The following LRCH3 variants were observed in gnomAD, a reference collection of about 807,000 sequenced individuals.
LRCH3 encodes the protein DISP complex protein LRCH3.
In LRCH3, 68 loss-of-function variants were observed where a neutral mutation model predicts 104.5. The observed-to-expected ratio is 0.65, with a 90% CI of 0.54 to 0.80. The LOEUF (loss-of-function observed/expected upper bound fraction) is 0.80, where lower values mean the gene tolerates loss of function less well. Among genes scored for constraint, LRCH3 ranks in the 30% least tolerant of loss-of-function variants. The probability of loss-of-function intolerance (pLI) is 0.00; values close to 1 mark genes in which losing one functional copy is unlikely to be tolerated. For missense variants in LRCH3, 951 were observed against 953.9 expected (o/e 1.00, Z 0.04); for synonymous variants, 344 against 361.3 (o/e 0.95, Z 0.54).
intron 19 of LRCH3, among the ~76,000 whole-genome samples, chr3:197,873,837 A>G (rs1159988545): frequency 6.6e-6 from 1 of 152,092 alleles, no homozygotes; most frequent in African/African-American, 2.4e-5. Flanking sequence ...CCTGGCCAAC[A>G]TGATGAAACC....
intron 4 of LRCH3, among the ~76,000 whole-genome samples, chr3:197,824,905 C>CT (rs1360873640): frequency 2.0e-5 from 3 of 152,228 alleles, no homozygotes; most frequent in Non-Finnish European, 4.4e-5. Context: ...GTTAAATACT[C>CT]TGAGTCCTAG....
intron 15 of LRCH3, among the ~76,000 whole-genome samples, chr3:197,864,402 G>T (rs1465921890): frequency 6.7e-6 from 1 of 150,220 alleles, no homozygotes; most frequent in African/African-American, 2.5e-5. Context: ...GAGGTTGGGA[G>T]TTCGAGAACG....
intron 4 of LRCH3, chr3:197,823,276 A>T: frequency 1.4e-5 from 2 of 141,964 alleles, no homozygotes; most frequent in Non-Finnish European, 3.1e-5. Flanking sequence ...CCTTTTTTGT[A>T]TTTTTAGTAG....
chr3:197,871,372 A>C lies in LRCH3; in HGVS notation c.2040A>C (p.Ala680=). ...LKVSLPCDLG[A]ALTDGVVLCH... ...TGTCTCTACCTTGTGATCTCGGAGC[A>C]GCTCTAACTGACGGTGTTGTTCTTT... Residue 680 remains alanine (A), a synonymous_variant, in exon 19 of 21, where the codon GCA becomes GCC. Coordinates refer to ENST00000425562, the MANE Select transcript of LRCH3 (RefSeq NM_001365715.1). The C allele has an allele frequency of 6.2e-7, 1 of 1,614,102 alleles. No individual in the cohort carries two copies. The highest frequency in any genetic ancestry group is 8.5e-7 in the Non-Finnish European group (1 of 1,179,994).
intron 4 of LRCH3, among the ~76,000 whole-genome samples, chr3:197,824,992 A>C (rs891750730): frequency 6.6e-6 from 1 of 152,234 alleles, no homozygotes; most frequent in Non-Finnish European, 1.5e-5. Context: ...ACGTCATGGG[A>C]GAACATATTT....
At position 197,883,432 on chromosome 3, in the gene LRCH3, C is replaced by A. The variant is rs1046651516; in HGVS notation, c.2209-109C>A. ...GTTTCCCAGGTACTAATTTTCATATCTAAGTTGATGATTGTGAAGGGGAGA... is the reference window on the plus strand; with the variant it reads ...GTTTCCCAGGTACTAATTTTCATATATAAGTTGATGATTGTGAAGGGGAGA... On this transcript the variant is annotated intron_variant, in intron 20 of 20. Coordinates refer to ENST00000425562, the MANE Select transcript of LRCH3 (RefSeq NM_001365715.1). This position sits in a 1 kb window ranked among gnomAD's most constrained non-coding sequence, Gnocchi z 4.2. The A allele has an allele frequency of 2.0e-5, 28 of 1,406,746 alleles. No individual in the cohort carries two copies. The African/African-American group carries it at 3.9e-4, about 20-fold the overall frequency. The allele number at this position is 1,406,746 out of a possible 1,614,324, so 87.1% of individuals were successfully genotyped here. A position where few individuals can be genotyped will look rare whatever the true frequency, so the allele number is the denominator to read the frequency against.
chr3:197,846,549 A>C (rs56676494), intron 10 of LRCH3, among the ~76,000 whole-genome samples: 23,097 of 151,420 alleles, frequency 0.15, 2,290 homozygotes, highest in African/African-American at 0.28. Flanking sequence ...AAAATTAAAA[A>C]AAAAAAAACA....
intron 12 of LRCH3, chr3:197,851,097 A>C (rs937640433): frequency 1.3e-4 from 76 of 575,686 alleles, no homozygotes; most frequent in Non-Finnish European, 1.9e-4. Context: ...GATTAGAACA[A>C]GGCAGGTTGG....
intron 4 of LRCH3, among the ~76,000 whole-genome samples, chr3:197,825,762 A>G (rs1308407422): frequency 1.3e-5 from 2 of 151,896 alleles, no homozygotes; most frequent in Non-Finnish European, 2.9e-5. Flanking sequence ...TACAGGCTTG[A>G]GCCACCGCGC....
rs1310552730 is a variant in LRCH3 at position 197,883,622 on chromosome 3, C to G, written c.2290C>G (p.Leu764Val). 6.5e-7 allele frequency: 1 copy of G among 1,536,010 alleles called. No homozygotes were observed. Among genetic ancestry groups the G allele is most frequent in the Admixed American group, 2.0e-5 (1 of 50,976 alleles). ...VAVTVQALLELAPPKQQQHQL... is the reference protein window; with the variant it reads ...VAVTVQALLEVAPPKQQQHQL... ...AGTGACGGTCCAGGCTCTCCTGGAA[C>G]TTGCCCCACCCAAGCAACAGCAGCA... Residue 764 changes from leucine to valine, a missense_variant, in exon 21 of 21, where the codon CTT becomes GTT. By Grantham distance (32) the Leu-to-Val change is conservative. Transcript: ENST00000425562. This position sits in a 1 kb window ranked among gnomAD's most constrained non-coding sequence, Gnocchi z 4.2.
At chr3:197,798,815 C>T (rs917004399) in intron 1 of LRCH3, among the ~76,000 whole-genome samples, 1 of 152,184 alleles carries the variant, frequency 6.6e-6, no homozygotes, top group African/African-American at 2.4e-5. Flanking sequence ...ATGGTAGCAA[C>T]TAGCCGTAAG....
chr3:197,808,394 A>C lies in LRCH3; in HGVS notation c.263-6514A>C, dbSNP rs1424797898. ...GTATTTTATTGTGGCAGCTCTAGCA[A>C]ACTCATACGCTGTGTCCTTTCTTGG... is the stretch of plus-strand genomic sequence containing the variant. On this transcript the variant is annotated intron_variant, in intron 1 of 20. Coordinates refer to ENST00000425562, the MANE Select transcript of LRCH3 (RefSeq NM_001365715.1). Among the ~76,000 whole-genome samples the C allele has an allele frequency of 2.0e-5, 3 of 152,122 alleles. No individual in the cohort carries two copies. In the East Asian group the frequency reaches 5.8e-4, roughly 29 times the overall value.
intron 1 of LRCH3, among the ~76,000 whole-genome samples, chr3:197,806,826 A>G (rs1192077103): frequency 2.0e-5 from 3 of 151,664 alleles, no homozygotes; most frequent in Non-Finnish European, 4.4e-5. Flanking sequence ...TGCTGGGATT[A>G]CAGGTGTGAG....
intron 4 of LRCH3, among the ~76,000 whole-genome samples, chr3:197,820,860 TTG>T (rs1008410001): frequency 3.3e-5 from 5 of 150,388 alleles, no homozygotes; most frequent in African/African-American, 1.2e-4. Flanking sequence ...CTGTGTGTGT[TTG>T]TGTGTGTGTG....
At chr3:197,850,551 C>T (rs891795101) in intron 12 of LRCH3, 36 of 1,588,268 alleles carry the variant, frequency 2.3e-5, no homozygotes, top group Middle Eastern at 2.3e-4. Context: ...TGGGTTAATC[C>T]GACCATGAGC....
At chr3:197,833,365 GAAAA>G (rs71166710) in intron 8 of LRCH3, among the ~76,000 whole-genome samples, 3 of 33,336 alleles carry the variant, frequency 9.0e-5, no homozygotes, top group Admixed American at 5.4e-4. Context: ...ACTAAAAACC[GAAAA>G]AAAAAAAAAA....
intron 3 of LRCH3, among the ~76,000 whole-genome samples, chr3:197,818,561 T>C (rs1291590650): frequency 6.6e-6 from 1 of 152,264 alleles, no homozygotes; most frequent in Admixed American, 6.5e-5. Context: ...GTCTACATTC[T>C]AGACCACTAT....
intron 3 of LRCH3, 58 bp downstream of exon 3, chr3:197,817,360 G>GTGTGTGTA: frequency 4.4e-5 from 4 of 90,036 alleles, no homozygotes; most frequent in East Asian, 3.6e-3. Context: ...GTGTGTGTGT[G>GTGTGTGTA]TATATATATA....
At chr3:197,797,394 T>TCATAGTGAGA (rs1731344628) in intron 1 of LRCH3, among the ~76,000 whole-genome samples, 1 of 141,686 alleles carries the variant, frequency 7.1e-6, no homozygotes, top group African/African-American at 2.6e-5. Context: ...TTCAAGAGAG[T>TCATAGTGAGA]CATAGTGAGA....
Sources: gnomAD v4.1 joint callset for allele counts (sites outside exome capture counted in the v4.1 genomes callset) on GRCh38, gnomAD v4.1.1 for gene constraint, Gnocchi (gnomAD v3.1) non-coding constraint, MANE v1.5 for transcripts, NCBI Gene and HGNC (gene_info 2026-07-23, HGNC 2026-07-21) for gene names.